SAMMSON: variants seen among roughly 807,000 people sequenced by gnomAD.
SAMMSON encodes survival associated mitochondrial melanoma specific oncogenic non-coding RNA.
chr3:70,224,708 T>G (rs141069872), intron 4 of SAMMSON, among the ~76,000 whole-genome samples: 7 of 151,856 alleles, frequency 4.6e-5, no homozygotes, highest in African/African-American at 1.7e-4. Flanking sequence ...AGGAGAAAAT[T>G]CACCCTTGGT....
chr3:70,102,809 A>C (rs2067351213), intron 4 of SAMMSON, among the ~76,000 whole-genome samples: 1 of 152,090 alleles, frequency 6.6e-6, no homozygotes, highest in South Asian at 2.1e-4. Flanking sequence ...AAGTTAATGG[A>C]TGTATTTGGT....
At chr3:70,285,312 G>T (rs1702148821) in intron 6 of SAMMSON, among the ~76,000 whole-genome samples, 1 of 149,404 alleles carries the variant, frequency 6.7e-6, no homozygotes, top group South Asian at 2.1e-4. Context: ...GTGGTGTTTG[G>T]TTTTTTGTTC....
chr3:70,277,983 C>T (rs114299455), intron 6 of SAMMSON, among the ~76,000 whole-genome samples: 1,711 of 152,110 alleles, frequency 0.011, 23 homozygotes, highest in African/African-American at 0.037. Flanking sequence ...AAATAAAGCG[C>T]GCAAATCTTA....
At chr3:70,378,201 ACT>A (rs1703037082) in intron 9 of SAMMSON, among the ~76,000 whole-genome samples, 1 of 151,616 alleles carries the variant, frequency 6.6e-6, no homozygotes, top group African/African-American at 2.4e-5. Context: ...AACTGCAATC[ACT>A]CTGAATGCTA....
intron 7 of SAMMSON, among the ~76,000 whole-genome samples, chr3:70,303,758 T>C (rs1472563162): frequency 1.3e-5 from 2 of 152,184 alleles, no homozygotes; most frequent in Non-Finnish European, 2.9e-5. Flanking sequence ...CCTGGCTCAC[T>C]GCAACCTCCG....
intron 4 of SAMMSON, among the ~76,000 whole-genome samples, chr3:70,090,538 C>T (rs1451168378): frequency 1.3e-5 from 2 of 152,162 alleles, no homozygotes; most frequent in Non-Finnish European, 2.9e-5. Flanking sequence ...AACCTCAACC[C>T]ATGTTGTGTC....
At chr3:70,070,350 A>G (rs2067225244) in intron 3 of SAMMSON, 2 of 152,166 alleles carry the variant, frequency 1.3e-5, no homozygotes, top group South Asian at 4.1e-4. Context: ...ATTGTTTTGT[A>G]TAGTTCTTTT....
At chr3:70,100,653 A>G (rs1286136986) in intron 4 of SAMMSON, among the ~76,000 whole-genome samples, 2 of 152,176 alleles carry the variant, frequency 1.3e-5, no homozygotes, top group Non-Finnish European at 2.9e-5. Flanking sequence ...TCCTGCCTAA[A>G]GTGAACGTGA....
chr3:70,194,085 A>G (rs1701153402), intron 4 of SAMMSON, among the ~76,000 whole-genome samples: 1 of 152,152 alleles, frequency 6.6e-6, no homozygotes, highest in South Asian at 2.1e-4. Context: ...TGCTTTCCAT[A>G]TTTTGTCGGC....
rs549701167 is a variant in SAMMSON at position 70,013,813 on chromosome 3, A to G, written n.417+141A>G. ...TTGCAGCTTTAGAAACCCAGCTCAA[A>G]CTAGCTGAAGCAGAAAAGACATTAC... On this transcript the variant is annotated intron_variant and non_coding_transcript_variant, in intron 3 of 9. Transcript: ENST00000642114. The G allele has an allele frequency of 5.9e-5, 9 of 152,314 alleles. No homozygotes were observed. In the East Asian group the frequency reaches 1.7e-3, roughly 29 times the overall value. 9.4% of individuals were successfully genotyped at this position (152,314 alleles called of 1,614,324 possible). A position where few individuals can be genotyped will look rare whatever the true frequency, so the allele number is the denominator to read the frequency against.
At chr3:70,237,660 G>A (rs1463859700) in intron 4 of SAMMSON, among the ~76,000 whole-genome samples, 1 of 152,088 alleles carries the variant, frequency 6.6e-6, no homozygotes, top group African/African-American at 2.4e-5. Flanking sequence ...GCCTAAATAG[G>A]GAAAAGATTG....
At chr3:70,073,812 G>T (rs1001223106) in intron 4 of SAMMSON, among the ~76,000 whole-genome samples, 5 of 152,070 alleles carry the variant, frequency 3.3e-5, no homozygotes, top group Non-Finnish European at 5.9e-5. Flanking sequence ...GTGTGACCCA[G>T]ATTGGAATCC....
At chr3:70,256,421 T>TAATA (rs1464037027) in intron 6 of SAMMSON, among the ~76,000 whole-genome samples, 1 of 152,200 alleles carries the variant, frequency 6.6e-6, no homozygotes, top group Non-Finnish European at 1.5e-5. Flanking sequence ...AAACTGCAAT[T>TAATA]AATAAAAGCT....
chr3:70,391,225 T>A (rs1701045962), downstream of SAMMSON, among the ~76,000 whole-genome samples: 2 of 152,180 alleles, frequency 1.3e-5, no homozygotes, highest in South Asian at 4.1e-4. Flanking sequence ...TCTCTGTTGC[T>A]CTTATGACAA....
rs1382262311 is a variant in SAMMSON at position 70,333,318 on chromosome 3, T to C, written n.740-20857T>C. On this transcript the variant is annotated intron_variant and non_coding_transcript_variant, in intron 7 of 9. Transcript: ENST00000642114. ...ATGTGAGGGGAATGTCTAGGGAGGG[T>C]ATACTTCCCTTTAAACGTTAAATTA... Among the ~76,000 whole-genome samples, 5 of 152,152 alleles carry C rather than the reference T, an allele frequency of 3.3e-5. No homozygotes were observed. In the South Asian group the frequency reaches 1.0e-3, roughly 32 times the overall value.
intron 4 of SAMMSON, among the ~76,000 whole-genome samples, chr3:70,185,295 T>C (rs1330176682): frequency 6.6e-6 from 1 of 152,108 alleles, no homozygotes; most frequent in South Asian, 2.1e-4. Context: ...CCCATGGAAA[T>C]AAGAAAAAGG....
chr3:70,172,416 C>T (rs1700966379), intron 4 of SAMMSON: 1 of 151,854 alleles, frequency 6.6e-6, no homozygotes, highest in South Asian at 2.1e-4. Context: ...TTGGAAATTC[C>T]ATGCCATTAA....
At chr3:70,028,887 G>A (rs1381506293) in intron 3 of SAMMSON, among the ~76,000 whole-genome samples, 12 of 152,278 alleles carry the variant, frequency 7.9e-5, no homozygotes, top group Middle Eastern at 6.8e-3. Context: ...CCAGCTACTG[G>A]TCTGAGTGCT....
At chr3:70,029,370 C>T (rs973535237) in intron 3 of SAMMSON, among the ~76,000 whole-genome samples, 3 of 152,128 alleles carry the variant, frequency 2.0e-5, no homozygotes, top group Admixed American at 6.5e-5. Flanking sequence ...TTTAATGTCC[C>T]TTCAAAGTTC....
Sources: allele counts gnomAD v4.1 joint callset (sites outside exome capture counted in the v4.1 genomes callset), GRCh38; gene constraint gnomAD v4.1.1; transcripts MANE v1.5; gene names NCBI Gene and HGNC (gene_info 2026-07-23, HGNC 2026-07-21).